The following PRKCI variants were observed in gnomAD, a reference collection of about 807,000 sequenced individuals.
PRKCI encodes the protein protein kinase C iota.
Under a neutral mutation model 84.0 loss-of-function variants are expected in PRKCI, and 43 were observed. That is an observed-to-expected ratio of 0.51 (90% CI 0.40 to 0.66). PRKCI has a LOEUF of 0.66. PRKCI is among the 30% of genes least tolerant of loss of function. The probability of loss-of-function intolerance (pLI) is 0.00; values close to 1 mark genes in which losing one functional copy is unlikely to be tolerated. For missense variants in PRKCI, 459 were observed against 745.6 expected, an observed-to-expected ratio of 0.62 and a Z score of 4.48; for synonymous variants, 216 against 234.4, an observed-to-expected ratio of 0.92 and a Z score of 0.72.
chr3:170,268,128 A>G (rs757677651), intron 5 of PRKCI, 128 bp downstream of exon 5: 45 of 699,008 alleles, frequency 6.4e-5, no homozygotes, highest in Non-Finnish European at 2.5e-5. Flanking sequence ...ATGACCTTAC[A>G]TTTCCAGTTT....
intron 3 of PRKCI, among the ~76,000 whole-genome samples, chr3:170,261,282 C>T (rs1733719928): frequency 6.6e-6 from 1 of 151,716 alleles, no homozygotes; most frequent in African/African-American, 2.4e-5. Context: ...TCTTAATATA[C>T]TGCATTTAAT....
At chr3:170,285,977 T>G (rs1166953797) in intron 12 of PRKCI, among the ~76,000 whole-genome samples, 1 of 150,948 alleles carries the variant, frequency 6.6e-6, no homozygotes, top group Admixed American at 6.6e-5. Flanking sequence ...CAGGCTGGAG[T>G]ACAATGGCAC....
intron 1 of PRKCI, among the ~76,000 whole-genome samples, chr3:170,224,671 G>A (rs1209676088): frequency 1.3e-5 from 2 of 152,092 alleles, no homozygotes; most frequent in Non-Finnish European, 2.9e-5. Context: ...TTACAGGCAT[G>A]TGCCACCACA....
intron 1 of PRKCI, among the ~76,000 whole-genome samples, chr3:170,234,764 T>G (rs1732901137): frequency 6.6e-6 from 1 of 152,186 alleles, no homozygotes. Context: ...AATATAATTA[T>G]GCAAGTGTGT....
At chr3:170,229,358 C>T (rs931832029) in intron 1 of PRKCI, among the ~76,000 whole-genome samples, 12 of 152,252 alleles carry the variant, frequency 7.9e-5, no homozygotes, top group East Asian at 1.9e-4. Context: ...CTGTTGCCTA[C>T]GCTGGAGTGC....
At chr3:170,234,322 C>A (rs926945885) in intron 1 of PRKCI, among the ~76,000 whole-genome samples, 1 of 152,066 alleles carries the variant, frequency 6.6e-6, no homozygotes, top group Non-Finnish European at 1.5e-5. Flanking sequence ...TGAGCCACCA[C>A]GCCCAGCCTT....
intron 2 of PRKCI, among the ~76,000 whole-genome samples, chr3:170,258,026 A>T (rs1275682638): frequency 1.3e-5 from 2 of 152,008 alleles, no homozygotes; most frequent in Non-Finnish European, 2.9e-5. Context: ...TAGGAAATAG[A>T]AGGAAAGAAA....
intron 2 of PRKCI, among the ~76,000 whole-genome samples, chr3:170,242,324 T>C (rs945281778): frequency 6.6e-6 from 1 of 150,538 alleles, no homozygotes; most frequent in African/African-American, 2.4e-5. Context: ...TGCCTGTAAT[T>C]CCAGCACTTT....
chr3:170,283,925 T>A (rs978319445), intron 11 of PRKCI, among the ~76,000 whole-genome samples: 12 of 152,242 alleles, frequency 7.9e-5, no homozygotes, highest in Non-Finnish European at 1.5e-4. Context: ...GTTCTTCATT[T>A]AATATTAAAT....
At chr3:170,232,866 G>T (rs2108836102) in intron 1 of PRKCI, among the ~76,000 whole-genome samples, 1 of 152,260 alleles carries the variant, frequency 6.6e-6, no homozygotes, top group Non-Finnish European at 1.5e-5. Context: ...ACTTCAAAGA[G>T]ATTTCTCTTT....
At chr3:170,295,780 A>G in intron 14 of PRKCI, 131 bp from the exon 15 acceptor site, 1 of 426,334 alleles carries the variant, frequency 2.3e-6, no homozygotes, top group East Asian at 3.7e-5. Context: ...GGGAGGTCAA[A>G]GCTGCAGTGA....
chr3:170,279,324 C>T (rs1226092703), intron 8 of PRKCI, among the ~76,000 whole-genome samples: 1 of 152,230 alleles, frequency 6.6e-6, no homozygotes, highest in Non-Finnish European at 1.5e-5. Flanking sequence ...AGCCACTGTG[C>T]GCAGCCTAAA....
At chr3:170,233,215 A>G (rs1732849260) in intron 1 of PRKCI, among the ~76,000 whole-genome samples, 1 of 76,496 alleles carries the variant, frequency 1.3e-5, no homozygotes, top group South Asian at 5.3e-4. Flanking sequence ...ACTGAATGTG[A>G]TTCTTTTGGG....
At chr3:170,281,759 T>C in intron 10 of PRKCI, 123 bp from the exon 11 acceptor site, 1 of 1,353,730 alleles carries the variant, frequency 7.4e-7, no homozygotes. Context: ...TCCACCAAAA[T>C]TTTGGCATCT....
rs565719894 is a variant in PRKCI at position 170,280,777 on chromosome 3, A to G, written c.882+374A>G. Among the ~76,000 whole-genome samples, 50 of 152,244 alleles carry G rather than the reference A, an allele frequency of 3.3e-4. 2 individuals are homozygous for G. In the South Asian group the frequency reaches 9.3e-3, roughly 28 times the overall value. On this transcript the variant is annotated intron_variant, in intron 9 of 17. Coordinates refer to ENST00000295797, the MANE Select transcript of PRKCI (RefSeq NM_002740.6). ...GAGTACTATTTTAAAGAAAACCTCT[A>G]TGTTTGTGCTTTATTATCTCATTCT... is the stretch of plus-strand genomic sequence containing the variant.
At position 170,273,300 on chromosome 3, in the gene PRKCI, C is replaced by T. The variant is rs548147990; in HGVS notation, c.606C>T (p.Pro202=). 4.5e-5 allele frequency: 73 copies of T among 1,613,608 alleles called. No homozygotes were observed. In the South Asian group the frequency reaches 7.7e-4, roughly 17 times the overall value. Residue 202 remains proline (P), a synonymous_variant, in exon 7 of 18, where the codon CCC becomes CCT. Transcript: ENST00000295797. ...RHSLPQEPVM[P]MDQSSMHSDH... ...AATGTTTGTAGGAACCAGTGATGCC[C>T]ATGGATCAGTCATCCATGCATTCTG... is the stretch of plus-strand genomic sequence containing the variant.
chr3:170,245,600 C>T (rs965396424), intron 2 of PRKCI, among the ~76,000 whole-genome samples: 1 of 152,114 alleles, frequency 6.6e-6, no homozygotes, highest in African/African-American at 2.4e-5. Flanking sequence ...CTGTCTTCTT[C>T]CTCTCCCTCA....
At chr3:170,231,052 C>T (rs1293533759) in intron 1 of PRKCI, among the ~76,000 whole-genome samples, 6 of 150,962 alleles carry the variant, frequency 4.0e-5, no homozygotes, top group African/African-American at 1.5e-4. Flanking sequence ...CTCCGCCTCC[C>T]AGGTTCAAGC....
At chr3:170,227,201 G>A (rs1223753026) in intron 1 of PRKCI, among the ~76,000 whole-genome samples, 1 of 152,058 alleles carries the variant, frequency 6.6e-6, no homozygotes, top group East Asian at 1.9e-4. Context: ...ATTGAAATGA[G>A]CCTAATTTAA....
Sources: gnomAD v4.1 joint callset for allele counts (sites outside exome capture counted in the v4.1 genomes callset) on GRCh38, gnomAD v4.1.1 for gene constraint, MANE v1.5 for transcripts, NCBI Gene and HGNC (gene_info 2026-07-23, HGNC 2026-07-21) for gene names.